Variants in EHMT1 observed in about 807,000 individuals in gnomAD.
EHMT1 encodes histone-lysine N-methyltransferase EHMT1.
EHMT1 carries 15 observed loss-of-function variants against 147.2 expected under a neutral mutation model. The observed-to-expected ratio is 0.10, with a 90% CI of 0.07 to 0.16. The LOEUF (loss-of-function observed/expected upper bound fraction) is 0.16, where lower values mean the gene tolerates loss of function less well. EHMT1 is among the 10% of genes least tolerant of loss of function. The pLI is 1.00. For missense variants in EHMT1, 1,587 were observed against 1,772.4 expected (o/e 0.90, Z 1.88); for synonymous variants, 795 against 709.6 (o/e 1.12, Z -1.91).
At chr9:137,724,106 T>C (rs1221724402) in intron 3 of EHMT1, among the ~76,000 whole-genome samples, 3 of 152,066 alleles carry the variant, frequency 2.0e-5, no homozygotes, top group Non-Finnish European at 4.4e-5. Flanking sequence ...TTTTTCTCTC[T>C]GTGTGTGTGT....
rs550293968 is a variant in EHMT1 at position 137,789,743 on chromosome 9, T to C, written c.2383-1105T>C. Among the ~76,000 whole-genome samples the C allele has an allele frequency of 5.3e-5, 8 of 152,330 alleles. No homozygotes were observed. In the East Asian group the frequency reaches 1.5e-3, roughly 29 times the overall value. On this transcript the variant is annotated intron_variant, in intron 15 of 26. Transcript: ENST00000460843. ...TGGTTTTTTGTTTTGTTTTGTTTTG[T>C]TTTTGTAACAGAGTTCACTTTTGTT...
intron 4 of EHMT1, 53 bp from the exon 5 acceptor site, chr9:137,743,318 A>G: frequency 6.5e-7 from 1 of 1,526,720 alleles, no homozygotes; most frequent in South Asian, 1.2e-5. Flanking sequence ...AAACATTTGA[A>G]TGGTGTTTCT....
intron 24 of EHMT1, 143 bp downstream of exon 24, chr9:137,817,668 G>C: frequency 9.3e-7 from 1 of 1,078,106 alleles, no homozygotes. Flanking sequence ...AGAGACCCTG[G>C]CCCCGAGAAC....
chr9:137,670,793 G>A (rs1289321932), intron 1 of EHMT1, among the ~76,000 whole-genome samples: 2 of 152,184 alleles, frequency 1.3e-5, no homozygotes, highest in African/African-American at 4.8e-5. Flanking sequence ...GCTCTCCTGG[G>A]GGCTGTGTCC....
chr9:137,745,789 G>A (rs1341479702), intron 6 of EHMT1: 2 of 363,290 alleles, frequency 5.5e-6, no homozygotes, highest in Non-Finnish European at 9.8e-6. Flanking sequence ...CATTTACAGT[G>A]TAGCACTTTG....
At chr9:137,629,107 T>C (rs1196740684) in intron 1 of EHMT1, among the ~76,000 whole-genome samples, 4 of 151,836 alleles carry the variant, frequency 2.6e-5, no homozygotes, top group Non-Finnish European at 4.4e-5. Flanking sequence ...TTTTTTTTTT[T>C]TTGAGATGGA....
chr9:137,687,910 A>G (rs1281040045), intron 1 of EHMT1, among the ~76,000 whole-genome samples: 1 of 152,222 alleles, frequency 6.6e-6, no homozygotes. Flanking sequence ...ATCCTTCAAC[A>G]TGGGGCGTCT....
chr9:137,686,723 ATTCT>A (rs908589925), intron 1 of EHMT1, among the ~76,000 whole-genome samples: 2 of 135,972 alleles, frequency 1.5e-5, no homozygotes, highest in Non-Finnish European at 3.1e-5. Context: ...GTCCAACCTC[ATTCT>A]TTCTTTTTTT....
intron 1 of EHMT1, among the ~76,000 whole-genome samples, chr9:137,622,102 C>G (rs1198147233): frequency 2.0e-5 from 3 of 147,096 alleles, no homozygotes; most frequent in Non-Finnish European, 4.5e-5. Flanking sequence ...TCTCCTAATG[C>G]TATCCCTCCC....
intron 8 of EHMT1, among the ~76,000 whole-genome samples, chr9:137,755,909 AT>A (rs925248994): frequency 1.2e-4 from 18 of 152,250 alleles, no homozygotes; most frequent in African/African-American, 3.6e-4. Context: ...TTTTCTTCTC[AT>A]TGGGTTAAAA....
At chr9:137,815,527 G>A in intron 22 of EHMT1, 2 of 306,452 alleles carry the variant, frequency 6.5e-6, no homozygotes, top group Non-Finnish European at 1.3e-5. Flanking sequence ...GGGAGCAGAG[G>A]GCTGGGTCCC....
At chr9:137,697,436 C>T (rs1943483788) in intron 1 of EHMT1, among the ~76,000 whole-genome samples, 1 of 152,164 alleles carries the variant, frequency 6.6e-6, no homozygotes, top group South Asian at 2.1e-4. Flanking sequence ...TGGGATCGGC[C>T]GGCCTGGCCT....
At position 137,825,316 on chromosome 9, in the gene EHMT1, C is replaced by T. The variant is rs150244182; in HGVS notation, c.3540+7178C>T. 5.1e-3 allele frequency among the ~76,000 whole-genome samples: 783 copies of T among 152,358 alleles called. 6 individuals carry two copies. The highest frequency in any genetic ancestry group is 0.018 in the African/African-American group (755 of 41,588). On this transcript the variant is annotated intron_variant, in intron 25 of 26. Transcript: ENST00000460843. ...TGTGTGGGCCGACTCCCTCTCCTCACGGGCACCTGCCTTCCCCACTCCGAG... is the reference window on the plus strand; with the variant it reads ...TGTGTGGGCCGACTCCCTCTCCTCATGGGCACCTGCCTTCCCCACTCCGAG...
intron 3 of EHMT1, among the ~76,000 whole-genome samples, chr9:137,726,417 G>A (rs188377006): frequency 5.9e-5 from 9 of 152,266 alleles, no homozygotes; most frequent in Admixed American, 1.3e-4. Flanking sequence ...CAGTGTCCCC[G>A]AGGCTCATCC....
At chr9:137,719,099 A>G (rs1945667969) in intron 3 of EHMT1, among the ~76,000 whole-genome samples, 1 of 152,114 alleles carries the variant, frequency 6.6e-6, no homozygotes, top group Non-Finnish European at 1.5e-5. Context: ...ATCTTGCGTT[A>G]TCTTTCAAAA....
At chr9:137,725,112 GTGTGGCATTCA>G (rs1204697317) in intron 3 of EHMT1, among the ~76,000 whole-genome samples, 1 of 146,372 alleles carries the variant, frequency 6.8e-6, no homozygotes, top group Non-Finnish European at 1.5e-5. Context: ...TGGGGCAGGC[GTGTGGCATTCA>G]TGGGGCATTC....
At chr9:137,756,172 G>T (rs1206179376) in intron 8 of EHMT1, among the ~76,000 whole-genome samples, 1 of 152,202 alleles carries the variant, frequency 6.6e-6, no homozygotes. Flanking sequence ...GCATCTGCAG[G>T]CTCCGCGCTT....
chr9:137,624,085 C>T (rs952518261), intron 1 of EHMT1, among the ~76,000 whole-genome samples: 1 of 151,306 alleles, frequency 6.6e-6, no homozygotes, highest in South Asian at 2.1e-4. Context: ...CTGCAACCTC[C>T]GTCTCCTGGG....
In EHMT1 at chr9:137,623,299, T is replaced by C. The variant is rs563209427; in HGVS notation, c.21+4250T>C. Among the ~76,000 whole-genome samples, 21 of 152,176 alleles carry C rather than the reference T, an allele frequency of 1.4e-4. No homozygotes were observed. The East Asian group carries it at 3.7e-3, about 27-fold the overall frequency. ...AAAGGAGTCTCCTCACCTTTCCCTG[T>C]GTCTGATGCTGCTCACTGTTTATTC... On this transcript the variant is annotated intron_variant, in intron 1 of 26. Transcript: ENST00000460843.
Sources: allele counts gnomAD v4.1 joint callset (sites outside exome capture counted in the v4.1 genomes callset), GRCh38; gene constraint gnomAD v4.1.1; transcripts MANE v1.5; gene names NCBI Gene and HGNC (gene_info 2026-07-23, HGNC 2026-07-21).